The following PRKCE variants were observed in gnomAD, a reference collection of about 807,000 sequenced individuals.
PRKCE encodes the protein protein kinase C epsilon.
PRKCE carries 16 observed loss-of-function variants against 85.4 expected under a neutral mutation model. That is an observed-to-expected ratio of 0.19 (90% CI 0.13 to 0.28). PRKCE has a LOEUF of 0.28. PRKCE is among the 10% of genes least tolerant of loss of function. The pLI is 1.00. For synonymous variants in PRKCE, 388 were observed against 371.5 expected (o/e 1.04, Z -0.51); for missense variants, 573 against 975.2 (o/e 0.59, Z 5.49).
chr2:46,158,814 G>T (rs185966730), intron 13 of PRKCE, among the ~76,000 whole-genome samples: 16 of 152,118 alleles, frequency 1.1e-4, no homozygotes, highest in Non-Finnish European at 1.0e-4. Flanking sequence ...TTTTCCCCAA[G>T]GTTTTATTGG....
At chr2:45,960,206 G>A (rs931196483) in intron 2 of PRKCE, among the ~76,000 whole-genome samples, 2 of 152,130 alleles carry the variant, frequency 1.3e-5, no homozygotes, top group Non-Finnish European at 2.9e-5. Flanking sequence ...CTTTGGAACC[G>A]GTCTGGCCTT....
intron 10 of PRKCE, among the ~76,000 whole-genome samples, chr2:46,032,346 G>A (rs1170543671): frequency 1.3e-5 from 2 of 152,184 alleles, no homozygotes; most frequent in Non-Finnish European, 2.9e-5. Flanking sequence ...TTCATTTTAA[G>A]GAGGGGAGAG....
At chr2:46,131,172 T>TC (rs1405443230) in intron 11 of PRKCE, among the ~76,000 whole-genome samples, 1 of 151,828 alleles carries the variant, frequency 6.6e-6, no homozygotes, top group Non-Finnish European at 1.5e-5. Flanking sequence ...CCAAGTAGAG[T>TC]CTTTGGGTTA....
chr2:45,831,621 G>C (rs895568111), intron 1 of PRKCE, among the ~76,000 whole-genome samples: 2 of 152,224 alleles, frequency 1.3e-5, no homozygotes, highest in Admixed American at 6.5e-5. Context: ...GAAGTGGTAA[G>C]TAAACTGAAT....
Position 46,086,344 on chromosome 2 carries a change from A to T in PRKCE, c.1574A>T (p.Gln525Leu). The T allele has an allele frequency of 1.3e-6, 2 of 1,599,368 alleles. No individual in the cohort carries two copies. The highest frequency in any genetic ancestry group is 1.7e-6 in the Non-Finnish European group (2 of 1,179,760). ...ACATCGGCCCTCATGTTCCTCCACC[A>T]GCATGGAGTCATCTACAGGTAGCCT... ...EVTSALMFLH[Q>L]HGVIYRDLKL... Residue 525 changes from glutamine to leucine, a missense_variant, in exon 11 of 15, where the codon CAG (glutamine) becomes CTG (leucine). Transcript: ENST00000306156.
In PRKCE at chr2:46,184,453, A is replaced by ACG. The variant is rs1183916779; in HGVS notation, c.2068-281_2068-280insGC. On this transcript the variant is annotated intron_variant, in intron 14 of 14. Coordinates refer to ENST00000306156, the MANE Select transcript of PRKCE (RefSeq NM_005400.3). This position sits in a 1 kb window ranked among gnomAD's most constrained non-coding sequence, Gnocchi z 5.0. ...CACACAAACACACACACACACACAC[A>ACG]CACACACACGTCTGTGGGAATCCCA... Among the ~76,000 whole-genome samples, 3 of 151,824 alleles carry ACG rather than the reference A, an allele frequency of 2.0e-5. No homozygotes were observed. The highest frequency in any genetic ancestry group is 7.3e-5 in the African/African-American group (3 of 41,274).
rs55769966 is a variant in PRKCE at position 45,752,595 on chromosome 2, G to C, written c.349-90405G>C. Among the ~76,000 whole-genome samples, 14 of 152,166 alleles carry C rather than the reference G, an allele frequency of 9.2e-5. No homozygotes were observed. In the East Asian group the frequency reaches 2.3e-3, roughly 25 times the overall value. ...ATCTATAAATCTGAGAGCCGGTCTC[G>C]GTGATCTCCCTTGCTCAGCCAGAAC... On this transcript the variant is annotated intron_variant, in intron 1 of 14. Coordinates refer to ENST00000306156, the MANE Select transcript of PRKCE (RefSeq NM_005400.3).
intron 1 of PRKCE, among the ~76,000 whole-genome samples, chr2:45,778,539 C>T (rs545336832): frequency 2.0e-5 from 3 of 152,174 alleles, no homozygotes; most frequent in East Asian, 3.9e-4. Context: ...TTTCACTCAG[C>T]GTCCCTACCC....
intron 2 of PRKCE, among the ~76,000 whole-genome samples, chr2:45,866,491 T>C (rs1192124993): frequency 1.3e-5 from 2 of 152,098 alleles, no homozygotes; most frequent in African/African-American, 2.4e-5. Flanking sequence ...GTATTTTTAG[T>C]AGAGACGGGG....
intron 1 of PRKCE, among the ~76,000 whole-genome samples, chr2:45,692,286 T>C (rs180945123): frequency 2.0e-5 from 3 of 152,288 alleles, no homozygotes; most frequent in Admixed American, 1.3e-4. Flanking sequence ...AATCAAGGTG[T>C]TGGCAGGGCC....
chr2:45,704,805 T>C (rs992643777), intron 1 of PRKCE, among the ~76,000 whole-genome samples: 3 of 152,218 alleles, frequency 2.0e-5, no homozygotes, highest in Non-Finnish European at 4.4e-5. Context: ...ATAACACTGT[T>C]CACTGCCATA....
At chr2:45,790,296 C>T (rs1050359581) in intron 1 of PRKCE, among the ~76,000 whole-genome samples, 1 of 152,140 alleles carries the variant, frequency 6.6e-6, no homozygotes, top group African/African-American at 2.4e-5. Flanking sequence ...CAGTTTCAAC[C>T]GAGATTCAGG....
intron 2 of PRKCE, among the ~76,000 whole-genome samples, chr2:45,906,638 G>A (rs1328460169): frequency 6.6e-6 from 1 of 152,116 alleles, no homozygotes; most frequent in African/African-American, 2.4e-5. Context: ...GGTTAGGTTG[G>A]GGGAAGCTAT....
intron 1 of PRKCE, among the ~76,000 whole-genome samples, chr2:45,824,117 C>T (rs1689752153): frequency 6.6e-6 from 1 of 152,224 alleles, no homozygotes; most frequent in Admixed American, 6.5e-5. Context: ...TGGCTGTATG[C>T]AAGTTTACTA....
At chr2:46,005,687 A>C (rs995805422) in intron 8 of PRKCE, among the ~76,000 whole-genome samples, 2 of 152,132 alleles carry the variant, frequency 1.3e-5, no homozygotes, top group African/African-American at 4.8e-5. Flanking sequence ...CTTCTTACCC[A>C]GGAGTAAATA....
At chr2:46,042,393 T>C (rs994574202) in intron 10 of PRKCE, among the ~76,000 whole-genome samples, 22 of 152,212 alleles carry the variant, frequency 1.4e-4, no homozygotes, top group Non-Finnish European at 3.1e-4. Flanking sequence ...TTGGAGTTTT[T>C]CACAAGGAGC....
chr2:45,752,953 A>G (rs560432903), intron 1 of PRKCE, among the ~76,000 whole-genome samples: 53 of 152,198 alleles, frequency 3.5e-4, no homozygotes, highest in African/African-American at 1.3e-3. Flanking sequence ...TGGAGCATAG[A>G]CTTAGGAGGA....
rs66634467 is a variant in PRKCE, at chr2:46,097,519, CAA to C, written c.1592+11174_1592+11175del. Among the ~76,000 whole-genome samples, 196 of 94,074 alleles carry C rather than the reference CAA, an allele frequency of 2.1e-3. 1 individual carries two copies. Among genetic ancestry groups the C allele is most frequent in the East Asian group, 7.4e-3 (26 of 3,506 alleles). The allele number at this position is 94,074 out of a possible 152,430, so 61.7% of individuals were successfully genotyped here. A position where few individuals can be genotyped will look rare whatever the true frequency, so the allele number is the denominator to read the frequency against. ...TGGGAGACAGAGCGAGACTCCGTCT[CAA>C]AAAAAAAAAAAAAAAAGCTGTGAAG... is the stretch of plus-strand genomic sequence containing the variant. On this transcript the variant is annotated intron_variant, in intron 11 of 14. Transcript: ENST00000306156.
rs145100808 is a variant in PRKCE, at chr2:45,998,542, C to T, written c.824-2862C>T. Among the ~76,000 whole-genome samples, 19 of 152,082 alleles carry T rather than the reference C, an allele frequency of 1.2e-4. No individual in the cohort carries two copies. The East Asian group carries it at 2.9e-3, about 23-fold the overall frequency. The stretch of plus-strand genomic sequence containing the variant: ...GTCTTTACTTTTAATCTGTATGTGT[C>T]TTTAAGGTGGGTTTCTTGTGAACAA... On this transcript the variant is annotated intron_variant, in intron 6 of 14. Coordinates refer to ENST00000306156, the MANE Select transcript of PRKCE (RefSeq NM_005400.3).
Sources: gnomAD v4.1 joint callset for allele counts (sites outside exome capture counted in the v4.1 genomes callset) on GRCh38, gnomAD v4.1.1 for gene constraint, Gnocchi (gnomAD v3.1) non-coding constraint, MANE v1.5 for transcripts, NCBI Gene and HGNC (gene_info 2026-07-23, HGNC 2026-07-21) for gene names.